Variants in JAKMIP2 observed in about 807,000 individuals in gnomAD.
JAKMIP2 encodes janus kinase and microtubule-interacting protein 2.
A neutral mutation model predicts 115.0 loss-of-function variants in JAKMIP2; 25 were observed. The ratio of observed to expected loss-of-function variants is 0.22; its 90% confidence interval spans 0.16 to 0.30. The LOEUF is 0.30. JAKMIP2 is among the 10% of genes least tolerant of loss of function. JAKMIP2 has a pLI of 1.00. For missense variants in JAKMIP2, 642 were observed against 957.6 expected, an observed-to-expected ratio of 0.67 and a Z score of 4.35; for synonymous variants, 334 against 343.6, an observed-to-expected ratio of 0.97 and a Z score of 0.31.
At chr5:147,600,122 G>C (rs1417182952) in intron 21 of JAKMIP2, among the ~76,000 whole-genome samples, 1 of 94,886 alleles carries the variant, frequency 1.1e-5, no homozygotes, top group Non-Finnish European at 2.1e-5. Context: ...GGTGGGGGGA[G>C]GCTGTTTGTT....
intron 8 of JAKMIP2, 137 bp downstream of exon 8, chr5:147,641,571 T>C (rs1757880788): frequency 1.7e-6 from 1 of 588,556 alleles, no homozygotes; most frequent in Admixed American, 3.4e-5. Context: ...TATTTTCTTC[T>C]AGCAAATAAT....
chr5:147,589,235 T>A lies in JAKMIP2; in HGVS notation c.*2472A>T, dbSNP rs926071644. 1 of 152,096 alleles carries A rather than the reference T, an allele frequency of 6.6e-6. No homozygotes were observed. The highest frequency in any genetic ancestry group is 2.4e-5 in the African/African-American group (1 of 41,350). 9.4% of individuals were successfully genotyped at this position (152,096 alleles called of 1,614,324 possible). Reference sequence around the variant, plus strand: ...GCTGAGGCAGGCAGATCACTTGAGGTCAGGAGTTCGAGACCAGCCTGACCA... The same window carrying A: ...GCTGAGGCAGGCAGATCACTTGAGGACAGGAGTTCGAGACCAGCCTGACCA... On this transcript the variant is annotated 3_prime_UTR_variant, in exon 22 of 22. Coordinates refer to ENST00000616793, the MANE Select transcript of JAKMIP2 (RefSeq NM_001270941.2).
chr5:147,725,718 G>A (rs1156569735), intron 1 of JAKMIP2, among the ~76,000 whole-genome samples: 2 of 152,148 alleles, frequency 1.3e-5, no homozygotes, highest in Admixed American at 6.5e-5. Flanking sequence ...CCCAACTTAG[G>A]AAGGTTAGAG....
At chr5:147,697,040 C>G (rs6884632) in intron 1 of JAKMIP2, among the ~76,000 whole-genome samples, 59,731 of 151,710 alleles carry the variant, frequency 0.39, 13,038 homozygotes, top group East Asian at 0.58. Flanking sequence ...CCCATTTTCT[C>G]GGGGAGAAAT....
In JAKMIP2 at chr5:147,671,616, G is replaced by A. The variant is rs148518947; in HGVS notation, c.129+62C>T. Reference sequence around the variant, plus strand: ...TAGGCCAGCAGGCAGAGCTGTGCTCGCTGCATGTGGACACAGCCAGAGCTG... The same window carrying A: ...TAGGCCAGCAGGCAGAGCTGTGCTCACTGCATGTGGACACAGCCAGAGCTG... On this transcript the variant is annotated intron_variant, in intron 2 of 21. Transcript: ENST00000616793. 514 of 1,294,938 alleles carry A rather than the reference G, an allele frequency of 4.0e-4. 4 individuals are homozygous for A. In the African/African-American group the frequency reaches 6.6e-3, roughly 17 times the overall value. 80.2% of individuals were successfully genotyped at this position (1,294,938 alleles called of 1,614,324 possible). A position where few individuals can be genotyped will look rare whatever the true frequency, so the allele number is the denominator to read the frequency against.
intron 1 of JAKMIP2, among the ~76,000 whole-genome samples, chr5:147,719,741 T>C (rs1398859335): frequency 6.6e-6 from 1 of 150,968 alleles, no homozygotes; most frequent in Non-Finnish European, 1.5e-5. Context: ...CCTATGTGTG[T>C]CTCTGCATGT....
chr5:147,607,366 G>C (rs1753722281), intron 20 of JAKMIP2, among the ~76,000 whole-genome samples: 1 of 152,148 alleles, frequency 6.6e-6, no homozygotes. Context: ...CTAGTTTATT[G>C]AGTGTTTTTA....
intron 21 of JAKMIP2, among the ~76,000 whole-genome samples, chr5:147,599,033 A>C (rs768267485): frequency 4.6e-5 from 7 of 152,182 alleles, no homozygotes; most frequent in Non-Finnish European, 8.8e-5. Flanking sequence ...TGAAAAAGCA[A>C]CTATTTGTTT....
intron 1 of JAKMIP2, among the ~76,000 whole-genome samples, chr5:147,775,638 A>G (rs1755527487): frequency 6.6e-6 from 1 of 152,204 alleles, no homozygotes; most frequent in Non-Finnish European, 1.5e-5. Context: ...ATTTTGCCTT[A>G]TCAAAATCAT....
At chr5:147,615,809 G>A (rs1031110752) in intron 19 of JAKMIP2, among the ~76,000 whole-genome samples, 1 of 152,038 alleles carries the variant, frequency 6.6e-6, no homozygotes, top group Non-Finnish European at 1.5e-5. Context: ...TAGCACCTAG[G>A]AAAAACATTT....
In JAKMIP2 at chr5:147,635,178, A is replaced by C. The variant is rs574658466; in HGVS notation, c.1677+1044T>G. On this transcript the variant is annotated intron_variant, in intron 12 of 21. Transcript: ENST00000616793. The stretch of plus-strand genomic sequence containing the variant: ...GGCAACAAGAGTAAAACTCCGTCTC[A>C]AAAAAAAAAATTATTTTGAAATCTT... Among the ~76,000 whole-genome samples, 6 of 101,534 alleles carry C rather than the reference A, an allele frequency of 5.9e-5. No homozygotes were observed. In the East Asian group the frequency reaches 3.0e-3, roughly 51 times the overall value. The allele number at this position is 101,534 out of a possible 152,430, so 66.6% of individuals were successfully genotyped here. A position where few individuals can be genotyped will look rare whatever the true frequency, so the allele number is the denominator to read the frequency against.
intron 1 of JAKMIP2, among the ~76,000 whole-genome samples, chr5:147,692,152 A>G (rs1257502061): frequency 1.3e-5 from 2 of 152,220 alleles, no homozygotes; most frequent in Non-Finnish European, 2.9e-5. Context: ...TCCTTTTAAA[A>G]AGGAAAATTT....
chr5:147,731,020 TA>T (rs1440755531), intron 1 of JAKMIP2, among the ~76,000 whole-genome samples: 4 of 152,166 alleles, frequency 2.6e-5, no homozygotes, highest in African/African-American at 9.7e-5. Flanking sequence ...TAACATTGAA[TA>T]ATTTTTTCTT....
At chr5:147,708,498 A>G (rs915181465) in intron 1 of JAKMIP2, among the ~76,000 whole-genome samples, 10 of 152,234 alleles carry the variant, frequency 6.6e-5, no homozygotes, top group Admixed American at 5.9e-4. Context: ...GGTTGGAATT[A>G]TAATTACCAA....
chr5:147,728,874 G>T (rs551213076), intron 1 of JAKMIP2, among the ~76,000 whole-genome samples: 1 of 152,276 alleles, frequency 6.6e-6, no homozygotes, highest in African/African-American at 2.4e-5. Flanking sequence ...ACGGTATGGG[G>T]ACATGTGGAA....
intron 1 of JAKMIP2, among the ~76,000 whole-genome samples, chr5:147,769,633 T>C (rs1755275566): frequency 6.6e-6 from 1 of 152,044 alleles, no homozygotes; most frequent in African/African-American, 2.4e-5. Context: ...GTATACAGAA[T>C]GTCAATTGCA....
chr5:147,603,978 G>A (rs1755857818), intron 20 of JAKMIP2, among the ~76,000 whole-genome samples: 1 of 151,994 alleles, frequency 6.6e-6, no homozygotes, highest in African/African-American at 2.4e-5. Context: ...TCGAGTTTTG[G>A]GGGAAGAATA....
chr5:147,685,438 A>C (rs1760520007), intron 1 of JAKMIP2, among the ~76,000 whole-genome samples: 1 of 152,218 alleles, frequency 6.6e-6, no homozygotes, highest in Non-Finnish European at 1.5e-5. Context: ...TATTATATTA[A>C]GGAAAAAGAA....
chr5:147,747,949 T>G (rs1244341578), intron 1 of JAKMIP2, among the ~76,000 whole-genome samples: 1 of 152,196 alleles, frequency 6.6e-6, no homozygotes, highest in Non-Finnish European at 1.5e-5. Context: ...TTCTTCAAGG[T>G]GCATCTCATC....
Sources: gnomAD v4.1 joint callset for allele counts (sites outside exome capture counted in the v4.1 genomes callset) on GRCh38, gnomAD v4.1.1 for gene constraint, MANE v1.5 for transcripts, NCBI Gene and HGNC (gene_info 2026-07-23, HGNC 2026-07-21) for gene names.